Variants in NAPG observed in about 807,000 individuals in gnomAD.
The protein encoded by NAPG is NSF attachment protein gamma, also known as gamma-soluble NSF attachment protein.
A neutral mutation model predicts 48.4 loss-of-function variants in NAPG; 25 were observed. The ratio of observed to expected loss-of-function variants is 0.52; its 90% confidence interval spans 0.38 to 0.72. The LOEUF (loss-of-function observed/expected upper bound fraction) is 0.72, where lower values mean the gene tolerates loss of function less well. Ranked by LOEUF, NAPG falls within the 30% of genes least tolerant of loss-of-function variation. The pLI is 0.00. For missense variants in NAPG, 359 were observed against 372.5 expected (o/e 0.96, Z 0.30); for synonymous variants, 139 against 127.2 (o/e 1.09, Z -0.62).
At chr18:10,549,742 A>G (rs559455034) in intron 11 of NAPG, among the ~76,000 whole-genome samples, 24 of 152,302 alleles carry the variant, frequency 1.6e-4, no homozygotes, top group African/African-American at 5.5e-4. Context: ...TCATCATAGT[A>G]TCAGATCAAC....
chr18:10,532,868 ATTTAC>A (rs1260923434), intron 3 of NAPG, 73 bp downstream of exon 3: 53 of 1,269,040 alleles, frequency 4.2e-5, no homozygotes, highest in South Asian at 3.7e-4. Context: ...CTTGCTGTAA[ATTTAC>A]TTTACTACCT....
intron 1 of NAPG, chr18:10,526,765 A>T (rs1311205334): frequency 1.3e-5 from 2 of 152,460 alleles, no homozygotes; most frequent in Non-Finnish European, 2.9e-5. Flanking sequence ...CCTCTGGTAC[A>T]GTACGTAGTA....
At chr18:10,538,453 T>C (rs2143116123) in intron 5 of NAPG, among the ~76,000 whole-genome samples, 1 of 152,324 alleles carries the variant, frequency 6.6e-6, no homozygotes, top group African/African-American at 2.4e-5. Flanking sequence ...AAATACTGCA[T>C]GGATCAAGCA....
Position 10,548,455 on chromosome 18 carries a change from C to A in NAPG, c.665+77C>A. 1 of 1,145,628 alleles carries A rather than the reference C, an allele frequency of 8.7e-7. No homozygotes were observed. Among genetic ancestry groups the A allele is most frequent in the Non-Finnish European group, 1.3e-6 (1 of 765,604 alleles). 71.0% of individuals were successfully genotyped at this position (1,145,628 alleles called of 1,614,324 possible). A position where few individuals can be genotyped will look rare whatever the true frequency, so the allele number is the denominator to read the frequency against. Reference sequence around the variant, plus strand: ...TACAACTAAGATTGCTGCTAGGACACATGTTCCTGGCCATGAAACTGTCAT... The same window carrying A: ...TACAACTAAGATTGCTGCTAGGACAAATGTTCCTGGCCATGAAACTGTCAT... On this transcript the variant is annotated intron_variant, in intron 10 of 11. Coordinates refer to ENST00000322897, the MANE Select transcript of NAPG (RefSeq NM_003826.3). The surrounding 1 kb of genome is among the most constrained non-coding windows in gnomAD (Gnocchi z 4.4).
At position 10,543,135 on chromosome 18, in the gene NAPG, C is replaced by CAAAAAAAAAA. The variant is rs199992167; in HGVS notation, c.506+2742_506+2751dup. ...ACAGGTTGCAGTGAGACTCCCATCT[C>CAAAAAAAAAA]AAAAAAAAAAAAAAAGAAAAGAAAA... On this transcript the variant is annotated intron_variant, in intron 8 of 11. Transcript: ENST00000322897. The surrounding 1 kb of genome is among the most constrained non-coding windows in gnomAD (Gnocchi z 4.4). Among the ~76,000 whole-genome samples, 1 of 106,430 alleles carries CAAAAAAAAAA rather than the reference C, an allele frequency of 9.4e-6. No homozygotes were observed. Among genetic ancestry groups the CAAAAAAAAAA allele is most frequent in the African/African-American group, 3.4e-5 (1 of 29,620 alleles). The allele number at this position is 106,430 out of a possible 152,430, so 69.8% of individuals were successfully genotyped here.
chr18:10,530,942 T>C, intron 2 of NAPG, 105 bp downstream of exon 2: 1 of 904,990 alleles, frequency 1.1e-6, no homozygotes, highest in Non-Finnish European at 1.5e-6. Context: ...AAGGCTTTAA[T>C]AGTTAAAAAA....
At chr18:10,540,564 A>G in intron 8 of NAPG, 165 bp downstream of exon 8, 1 of 493,406 alleles carries the variant, frequency 2.0e-6, no homozygotes, top group Non-Finnish European at 3.5e-6. Flanking sequence ...GGCACACTGA[A>G]TTAGATATTA....
In NAPG at chr18:10,526,122, A is replaced by C. The variant is rs757568523; in HGVS notation, c.20A>C (p.Asn7Thr). Reference sequence around the variant, plus strand: ...GTGGAGATGGCGGCTCAGAAGATAAACGAGGGGCTGGAACACCTCGCCAAA... The same window carrying C: ...GTGGAGATGGCGGCTCAGAAGATAACCGAGGGGCTGGAACACCTCGCCAAA... MAAQKI[N>T]EGLEHLAKAE... is the part of the protein sequence containing the mutation. Residue 7 changes from asparagine to threonine, a missense_variant, in exon 1 of 12, where the codon AAC becomes ACC. By Grantham distance (65) the Asn-to-Thr change is moderately conservative (BLOSUM62 0). Coordinates refer to ENST00000322897, the MANE Select transcript of NAPG (RefSeq NM_003826.3). The C allele has an allele frequency of 1.9e-6, 3 of 1,613,420 alleles. No individual in the cohort carries two copies. The East Asian group carries it at 6.7e-5, about 36-fold the overall frequency.
rs1272508884 is a variant in NAPG at position 10,543,553 on chromosome 18, G to C, written c.507-2773G>C. Reference sequence around the variant, plus strand: ...TAGGTAGTTAAAAATAGGTTTTGGAGTTCAGGAAATAGTTGGGGCCAGAGG... The same window carrying C: ...TAGGTAGTTAAAAATAGGTTTTGGACTTCAGGAAATAGTTGGGGCCAGAGG... On this transcript the variant is annotated intron_variant, in intron 8 of 11. Coordinates refer to ENST00000322897, the MANE Select transcript of NAPG (RefSeq NM_003826.3). The surrounding 1 kb of genome is among the most constrained non-coding windows in gnomAD (Gnocchi z 4.4). Among the ~76,000 whole-genome samples the C allele has an allele frequency of 6.6e-6, 1 of 152,214 alleles. No individual in the cohort carries two copies. The highest frequency in any genetic ancestry group is 1.5e-5 in the Non-Finnish European group (1 of 68,036).
chr18:10,531,962 A>AAT (rs2143096636), intron 2 of NAPG, among the ~76,000 whole-genome samples: 1 of 152,322 alleles, frequency 6.6e-6, no homozygotes, highest in South Asian at 2.1e-4. Flanking sequence ...TAGCTTCAGT[A>AAT]TTTGGTTTTC....
At chr18:10,533,654 T>A (rs1598409691) in intron 4 of NAPG, 101 bp downstream of exon 4, 2 of 979,468 alleles carry the variant, frequency 2.0e-6, no homozygotes. Flanking sequence ...AATTTTGTAT[T>A]GATTTAAATA....
chr18:10,535,568 C>G (rs2032014632), intron 5 of NAPG, among the ~76,000 whole-genome samples: 1 of 152,176 alleles, frequency 6.6e-6, no homozygotes, highest in East Asian at 1.9e-4. Context: ...CGAGACCAGC[C>G]TGGCCAACAT....
At chr18:10,530,159 CCTT>C (rs1266823278) in intron 1 of NAPG, among the ~76,000 whole-genome samples, 2 of 140,374 alleles carry the variant, frequency 1.4e-5, no homozygotes, top group African/African-American at 2.7e-5. Context: ...TTCTGATTAT[CCTT>C]CTTGTTTATG....
chr18:10,529,088 T>C (rs1208710170), intron 1 of NAPG, among the ~76,000 whole-genome samples: 1 of 152,358 alleles, frequency 6.6e-6, no homozygotes, highest in Non-Finnish European at 1.5e-5. Flanking sequence ...CTTTCTTCCT[T>C]ATTAGTGGTG....
In NAPG at chr18:10,534,619, A is replaced by G. The variant is rs2031995615; in HGVS notation, c.258+123A>G. The G allele has an allele frequency of 2.4e-6, 2 of 830,136 alleles. No individual in the cohort carries two copies. Among genetic ancestry groups the G allele is most frequent in the South Asian group, 2.9e-5 (2 of 69,442 alleles). The allele number at this position is 830,136 out of a possible 1,614,324, so 51.4% of individuals were successfully genotyped here. A position where few individuals can be genotyped will look rare whatever the true frequency, so the allele number is the denominator to read the frequency against. ...GTAAGGCAAGAGGTGCTAAGTTAAG[A>G]TTTTCTGTCCACGGTAACGTTAATT... On this transcript the variant is annotated intron_variant, in intron 5 of 11. Coordinates refer to ENST00000322897, the MANE Select transcript of NAPG (RefSeq NM_003826.3). The surrounding 1 kb of genome is among the most constrained non-coding windows in gnomAD (Gnocchi z 5.0).
In NAPG at chr18:10,548,186, G is replaced by C. The variant is rs2032307706; in HGVS notation, c.586-113G>C. On this transcript the variant is annotated intron_variant, in intron 9 of 11. Coordinates refer to ENST00000322897, the MANE Select transcript of NAPG (RefSeq NM_003826.3). This position sits in a 1 kb window ranked among gnomAD's most constrained non-coding sequence, Gnocchi z 4.4. ...GTTACTATAGCATTTATAAATCTCT[G>C]TTTATACAAACAAAGACTCTGAAAG... 1 of 744,062 alleles carries C rather than the reference G, an allele frequency of 1.3e-6. No homozygotes were observed. The highest frequency in any genetic ancestry group is 2.3e-6 in the Non-Finnish European group (1 of 431,640). The allele number at this position is 744,062 out of a possible 1,614,324, so 46.1% of individuals were successfully genotyped here.
rs1296581056 is a variant in NAPG, at chr18:10,540,418, T to C, written c.506+19T>C. ...GACGTAGGTATGTCTTTAAAAACTA[T>C]TGCTGTGTGTTTAACTATACTTTGA... On this transcript the variant is annotated intron_variant, in intron 8 of 11. Transcript: ENST00000322897. 3.1e-6 allele frequency: 5 copies of C among 1,593,992 alleles called. No individual in the cohort carries two copies. Among genetic ancestry groups the C allele is most frequent in the Non-Finnish European group, 1.7e-6 (2 of 1,164,964 alleles).
At position 10,546,522 on chromosome 18, in the gene NAPG, C is replaced by A; in HGVS notation, c.585+118C>A. 1.8e-6 allele frequency: 1 copy of A among 550,270 alleles called. No homozygotes were observed. Among genetic ancestry groups the A allele is most frequent in the Non-Finnish European group, 3.1e-6 (1 of 326,396 alleles). 34.1% of individuals were successfully genotyped at this position (550,270 alleles called of 1,614,324 possible). A position where few individuals can be genotyped will look rare whatever the true frequency, so the allele number is the denominator to read the frequency against. Reference sequence around the variant, plus strand: ...TCTATGTTTTTGTAAAATAATACTTCATGGGCCTCTATTTTTGACCAAGAT... The same window carrying A: ...TCTATGTTTTTGTAAAATAATACTTAATGGGCCTCTATTTTTGACCAAGAT... On this transcript the variant is annotated intron_variant, in intron 9 of 11. Transcript: ENST00000322897. The surrounding 1 kb of genome is among the most constrained non-coding windows in gnomAD (Gnocchi z 4.0).
intron 5 of NAPG, among the ~76,000 whole-genome samples, chr18:10,535,283 C>T (rs1433424274): frequency 6.6e-6 from 1 of 151,890 alleles, no homozygotes; most frequent in East Asian, 1.9e-4. Context: ...TCATTGTAGA[C>T]AATAAAAAAT....
Sources: gnomAD v4.1 joint callset for allele counts (sites outside exome capture counted in the v4.1 genomes callset) on GRCh38, gnomAD v4.1.1 for gene constraint, Gnocchi (gnomAD v3.1) non-coding constraint, MANE v1.5 for transcripts, NCBI Gene and HGNC (gene_info 2026-07-23, HGNC 2026-07-21) for gene names.